The following PLK4 variants were observed in gnomAD, a reference collection of about 807,000 sequenced individuals.
The protein encoded by PLK4 is polo like kinase 4, also known as serine/threonine-protein kinase PLK4.
Under a neutral mutation model 103.0 loss-of-function variants are expected in PLK4, and 51 were observed. The ratio of observed to expected loss-of-function variants is 0.50; its 90% CI spans 0.40 to 0.63. The LOEUF (loss-of-function observed/expected upper bound fraction) is 0.63, where lower values mean the gene tolerates loss of function less well. Ranked by LOEUF, PLK4 falls within the 20% of genes least tolerant of loss-of-function variation. The probability of loss-of-function intolerance (pLI) is 0.00; values close to 1 mark genes in which losing one functional copy is unlikely to be tolerated. For missense variants in PLK4, 1,054 were observed against 1,151.0 expected, an observed-to-expected ratio of 0.92 and a Z score of 1.22; for synonymous variants, 389 against 376.8, an observed-to-expected ratio of 1.03 and a Z score of -0.38.
Position 127,886,562 on chromosome 4 carries a change from C to T in PLK4, c.1192C>T (p.Arg398Ter), listed in dbSNP as rs746480999. 3.1e-6 allele frequency: 5 copies of T among 1,614,022 alleles called. No individual in the cohort carries two copies. The highest frequency in any genetic ancestry group is 1.1e-5 in the South Asian group (1 of 91,072). ...QSQAKTYTME[R>*]CHSAEMLSVS... ...TCAAGCAAAAACATATACAATGGAA[C>T]GATGTCACTCAGCAGAAATGCTTTC... Residue 398 changes from arginine to a stop codon, truncating the protein, a stop_gained, in exon 5 of 16, where the codon CGA becomes TGA. Transcript: ENST00000270861. LOFTEE classifies it high-confidence loss of function.
rs1735659672 is a variant in PLK4 at position 127,898,460 on chromosome 4, A to G, written c.2832A>G (p.Leu944=). ...TTAGGTATGGAGAAAATGAAAAATT[A>G]CCAGACTACATCAAACAGAAATTAC... is the stretch of plus-strand genomic sequence containing the variant. ...QTTRYGENEK[L]PDYIKQKLQC... The change falls in exon 16 of 16, where the codon TTA becomes TTG. Residue 944 remains leucine (L), a synonymous_variant. Transcript: ENST00000270861. The G allele has an allele frequency of 6.4e-7, 1 of 1,555,262 alleles. No individual in the cohort carries two copies. Among genetic ancestry groups the G allele is most frequent in the Non-Finnish European group, 8.8e-7 (1 of 1,132,988 alleles).
rs879879806 is a variant in PLK4 at position 127,896,903 on chromosome 4, A to G, written c.2806A>G (p.Thr936Ala). The change falls in exon 15 of 16, where the codon ACT becomes GCT. Residue 936 changes from threonine to alanine, a missense_variant. By Grantham distance (58) the Thr-to-Ala change is moderately conservative. Coordinates refer to ENST00000270861, the MANE Select transcript of PLK4 (RefSeq NM_014264.5). ...TTATACCTCACCAAATGGTCAAACAACTAGGTAAGTTCTTAAAATACTGGT... is the reference window on the plus strand; with the variant it reads ...TTATACCTCACCAAATGGTCAAACAGCTAGGTAAGTTCTTAAAATACTGGT... ...ISYTSPNGQT[T>A]RYGENEKLPD... 1.9e-5 allele frequency: 29 copies of G among 1,559,046 alleles called. No individual in the cohort carries two copies. Among genetic ancestry groups the G allele is most frequent in the African/African-American group, 8.1e-5 (6 of 73,906 alleles).
In PLK4 at chr4:127,889,940, A is replaced by G. The variant is rs1245000774; in HGVS notation, c.1534A>G (p.Lys512Glu). 7 of 1,613,902 alleles carry G rather than the reference A, an allele frequency of 4.3e-6. No individual in the cohort carries two copies. Among genetic ancestry groups the G allele is most frequent in the South Asian group, 1.1e-5 (1 of 91,080 alleles). ...RDFQGHPDLQ[K>E]DTSKNAWTDT... ...CTTCCAGGGCCATCCAGATTTGCAG[A>G]AGGACACATCAAAAAATGCCTGGAC... Residue 512 changes from lysine (K) to glutamate (E), a missense_variant, in exon 7 of 16, where the codon AAG becomes GAG. Around this residue, in one of 4 missense-constraint regions of PLK4, gnomAD observed 680 missense variants for 660.3 expected, o/e 1.03. Coordinates refer to ENST00000270861, the MANE Select transcript of PLK4 (RefSeq NM_014264.5).
chr4:127,883,044 T>A (rs1734987771), intron 2 of PLK4, among the ~76,000 whole-genome samples: 1 of 152,194 alleles, frequency 6.6e-6, no homozygotes, highest in Non-Finnish European at 1.5e-5. Context: ...ATTATTTAAA[T>A]TGAGATAGGA....
At position 127,891,120 on chromosome 4, in the gene PLK4, G is replaced by A. The variant is rs765377661; in HGVS notation, c.1859G>A (p.Cys620Tyr). The A allele has an allele frequency of 3.1e-6, 5 of 1,588,308 alleles. No individual in the cohort carries two copies. The highest frequency in any genetic ancestry group is 4.3e-6 in the Non-Finnish European group (5 of 1,161,880). The change falls in exon 8 of 16, where the codon TGT (cysteine) becomes TAT (tyrosine). Residue 620 changes from cysteine (C) to tyrosine (Y), a missense_variant. Coordinates refer to ENST00000270861, the MANE Select transcript of PLK4 (RefSeq NM_014264.5). ...VVSILDSEEV[C>Y]VELVKEYASQ... ...AGCATACTTGATTCAGAGGAGGTGT[G>A]TGTGGAGCTTGTAAAGGAGTATGCA...
In PLK4 at chr4:127,892,164, C is replaced by G. The variant is rs1191042397; in HGVS notation, c.2039-201C>G. 3 of 373,904 alleles carry G rather than the reference C, an allele frequency of 8.0e-6. No individual in the cohort carries two copies. In the East Asian group the frequency reaches 1.4e-4, roughly 18 times the overall value. The allele number at this position is 373,904 out of a possible 1,614,324, so 23.2% of individuals were successfully genotyped here. A position where few individuals can be genotyped will look rare whatever the true frequency, so the allele number is the denominator to read the frequency against. On this transcript the variant is annotated intron_variant, in intron 9 of 15. Coordinates refer to ENST00000270861, the MANE Select transcript of PLK4 (RefSeq NM_014264.5). ...ATGATTATTTATAATTATAGTTAAC[C>G]AAATTTGACTCCCAGTTTGGTTTCT... is the stretch of plus-strand genomic sequence containing the variant.
Position 127,885,826 on chromosome 4 carries a change from T to A in PLK4, c.456T>A (p.Ile152=), listed in dbSNP as rs771389233. The change falls in exon 5 of 16, where the codon ATT becomes ATA. Residue 152 remains isoleucine, a synonymous_variant. Coordinates refer to ENST00000270861, the MANE Select transcript of PLK4 (RefSeq NM_014264.5). ...LLLTRNMNIK[I]ADFGLATQLK... is the part of the protein sequence containing the mutation. ...TGACTCGTAATATGAACATCAAGAT[T>A]GCTGATTTTGGGCTGGCAACTCAAC... The A allele has an allele frequency of 1.2e-6, 2 of 1,613,966 alleles. No homozygotes were observed. Among genetic ancestry groups the A allele is most frequent in the Admixed American group, 3.3e-5 (2 of 59,990 alleles).
At chr4:127,886,850 C>G (rs1381889236) in intron 5 of PLK4, 122 bp downstream of exon 5, 2 of 608,946 alleles carry the variant, frequency 3.3e-6, no homozygotes, top group Admixed American at 6.7e-5. Context: ...AAACCACTGT[C>G]ATGATTTTGA....
chr4:127,883,929 T>C (rs1015829135), intron 4 of PLK4, among the ~76,000 whole-genome samples: 2 of 152,294 alleles, frequency 1.3e-5, no homozygotes, highest in African/African-American at 4.8e-5. Flanking sequence ...ACATGAAACA[T>C]ACAGGTAGTG....
intron 8 of PLK4, among the ~76,000 whole-genome samples, 178 bp downstream of exon 8, chr4:127,891,374 G>A (rs1735352912): frequency 6.6e-6 from 1 of 151,744 alleles, no homozygotes; most frequent in Admixed American, 6.6e-5. Flanking sequence ...AATTGGTGCA[G>A]TGTTAAAAAT....
At chr4:127,893,110 T>C (rs1735425714) in intron 10 of PLK4, 175 bp from the exon 11 acceptor site, 1 of 451,662 alleles carries the variant, frequency 2.2e-6, no homozygotes, top group Admixed American at 4.0e-5. Context: ...GGGAAAAAAA[T>C]GGATGATCCA....
chr4:127,892,650 C>T lies in PLK4; in HGVS notation c.2188+136C>T, dbSNP rs1055655080. The T allele has an allele frequency of 3.3e-5, 20 of 609,080 alleles. 1 individual carries two copies. The highest frequency in any genetic ancestry group is 1.0e-4 in the South Asian group (5 of 47,934). The allele number at this position is 609,080 out of a possible 1,614,324, so 37.7% of individuals were successfully genotyped here. On this transcript the variant is annotated intron_variant, in intron 10 of 15. Transcript: ENST00000270861. ...ATAACTATACATATAAATTGCACAG[C>T]GGAGTATACATGTCAAATCATATTA...
At chr4:127,897,085 T>C (rs1172052110) in intron 15 of PLK4, among the ~76,000 whole-genome samples, 178 bp downstream of exon 15, 3 of 152,230 alleles carry the variant, frequency 2.0e-5, no homozygotes, top group African/African-American at 4.8e-5. Context: ...ATTTTATGAT[T>C]ATCTGTATTA....
chr4:127,886,499 T>C lies in PLK4; in HGVS notation c.1129T>C (p.Tyr377His). Residue 377 changes from tyrosine to histidine, a missense_variant, in exon 5 of 16, where the codon TAT becomes CAT. This residue lies in a region of PLK4 where 680 missense variants were observed against 660.3 expected (regional missense o/e 1.03). Transcript: ENST00000270861. Reference protein sequence around the residue: ...RPHSRYLRRAYSSDRSGTSNS... With the variant: ...RPHSRYLRRAHSSDRSGTSNS... The stretch of plus-strand genomic sequence containing the variant: ...ACATTCTCGATACCTTCGTAGAGCT[T>C]ATTCCTCTGATAGATCTGGCACTTC... 6.2e-7 allele frequency: 1 copy of C among 1,613,870 alleles called. No individual in the cohort carries two copies. Among genetic ancestry groups the C allele is most frequent in the Non-Finnish European group, 8.5e-7 (1 of 1,179,742 alleles).
rs1025680728 is a variant in PLK4, at chr4:127,899,078, C to A, written c.*537C>A. 6 of 152,170 alleles carry A rather than the reference C, an allele frequency of 3.9e-5. No homozygotes were observed. Among genetic ancestry groups the A allele is most frequent in the African/African-American group, 1.4e-4 (6 of 41,398 alleles). The allele number at this position is 152,170 out of a possible 1,614,324, so 9.4% of individuals were successfully genotyped here. A position where few individuals can be genotyped will look rare whatever the true frequency, so the allele number is the denominator to read the frequency against. ...TAAATATAGTGATAAGTTACATTAT[C>A]TTTTGATTCATTTAATTAAATACTT... On this transcript the variant is annotated 3_prime_UTR_variant, in exon 16 of 16. Coordinates refer to ENST00000270861, the MANE Select transcript of PLK4 (RefSeq NM_014264.5).
At chr4:127,887,734 G>C (rs1221897540) in intron 6 of PLK4, among the ~76,000 whole-genome samples, 1 of 151,760 alleles carries the variant, frequency 6.6e-6, no homozygotes, top group Non-Finnish European at 1.5e-5. Flanking sequence ...AATTAGTTGA[G>C]TGTGGTGGCA....
At chr4:127,885,541 T>A (rs1002273432) in intron 4 of PLK4, among the ~76,000 whole-genome samples, 167 bp from the exon 5 acceptor site, 1 of 151,572 alleles carries the variant, frequency 6.6e-6, no homozygotes, top group Non-Finnish European at 1.5e-5. Context: ...GGTACCACTC[T>A]GATAATTGCT....
intron 1 of PLK4, 96 bp from the exon 2 acceptor site, chr4:127,881,735 C>A: frequency 7.8e-6 from 6 of 767,254 alleles, no homozygotes; most frequent in Non-Finnish European, 1.3e-5. Flanking sequence ...TTGTCAAATT[C>A]CCCACTCGAT....
chr4:127,894,566 C>G (rs1206828345), intron 13 of PLK4, among the ~76,000 whole-genome samples: 2 of 151,988 alleles, frequency 1.3e-5, no homozygotes, highest in African/African-American at 4.8e-5. Flanking sequence ...CATTAACTGC[C>G]TAAATGCTCA....
Sources: allele counts gnomAD v4.1 joint callset (sites outside exome capture counted in the v4.1 genomes callset), GRCh38; gene constraint gnomAD v4.1.1; regional missense constraint gnomAD v4.1.1; transcripts MANE v1.5; gene names NCBI Gene and HGNC (gene_info 2026-07-23, HGNC 2026-07-21).